LRMDA: variants seen among roughly 807,000 people sequenced by gnomAD.
LRMDA encodes the protein leucine-rich melanocyte differentiation-associated protein.
LRMDA carries 18 observed loss-of-function variants against 29.8 expected under a neutral mutation model. The ratio of observed to expected loss-of-function variants is 0.60; its 90% confidence interval spans 0.42 to 0.90. The LOEUF is 0.90. LRMDA is among the 40% of genes least tolerant of loss of function. LRMDA has a pLI of 0.00. For missense variants in LRMDA, 273 were observed against 273.9 expected (o/e 1.00, Z 0.02); for synonymous variants, 125 against 109.4 (o/e 1.14, Z -0.89).
intron 2 of LRMDA, among the ~76,000 whole-genome samples, chr10:75,707,766 T>C (rs1035760074): frequency 9.2e-5 from 14 of 152,354 alleles, no homozygotes; most frequent in African/African-American, 3.4e-4. Context: ...TGTGTCTCTA[T>C]GGCCCTGCCC....
intron 2 of LRMDA, among the ~76,000 whole-genome samples, chr10:75,459,812 G>T (rs541212626): frequency 5.5e-4 from 84 of 152,330 alleles, no homozygotes; most frequent in Non-Finnish European, 1.1e-3. Flanking sequence ...TCGCATGGTG[G>T]AAGTGCAAGG....
chr10:76,495,526 T>A (rs1842873379), intron 6 of LRMDA, among the ~76,000 whole-genome samples: 1 of 151,890 alleles, frequency 6.6e-6, no homozygotes, highest in African/African-American at 2.4e-5. Context: ...AGAATCTTAT[T>A]GACAATTTGA....
At chr10:75,438,850 G>T (rs1368151818) in intron 2 of LRMDA, among the ~76,000 whole-genome samples, 2 of 152,250 alleles carry the variant, frequency 1.3e-5, no homozygotes, top group African/African-American at 2.4e-5. Context: ...AAGCCTGCAA[G>T]AGTGTTTTGG....
chr10:76,256,986 GAGTT>G (rs1852606992), intron 5 of LRMDA, among the ~76,000 whole-genome samples: 1 of 152,114 alleles, frequency 6.6e-6, no homozygotes, highest in Non-Finnish European at 1.5e-5. Flanking sequence ...AACAGGTCTT[GAGTT>G]AGTTCTGTCA....
At chr10:76,465,536 T>A (rs1842556096) in intron 6 of LRMDA, among the ~76,000 whole-genome samples, 1 of 152,160 alleles carries the variant, frequency 6.6e-6, no homozygotes. Flanking sequence ...AAAAGGAAAG[T>A]GAAGGATGTG....
chr10:76,473,890 G>A (rs1380051013), intron 6 of LRMDA, among the ~76,000 whole-genome samples: 2 of 151,538 alleles, frequency 1.3e-5, no homozygotes, highest in Non-Finnish European at 3.0e-5. Flanking sequence ...TGGATGTAAA[G>A]ACAACAGTAC....
intron 2 of LRMDA, among the ~76,000 whole-genome samples, chr10:75,599,148 C>T (rs939276485): frequency 1.1e-4 from 16 of 146,132 alleles, no homozygotes; most frequent in African/African-American, 2.2e-4. Flanking sequence ...CTGGCGTTCA[C>T]GGCCTCTGAG....
intron 2 of LRMDA, among the ~76,000 whole-genome samples, chr10:75,598,459 T>C (rs1840831078): frequency 6.6e-6 from 1 of 152,114 alleles, no homozygotes; most frequent in South Asian, 2.1e-4. Flanking sequence ...CTGAGAGGGC[T>C]TTCCTGGACA....
intron 2 of LRMDA, among the ~76,000 whole-genome samples, chr10:75,979,249 A>C (rs1361346421): frequency 2.6e-5 from 4 of 152,336 alleles, no homozygotes; most frequent in South Asian, 2.1e-4. Context: ...TGACATTTGA[A>C]TAGAGCAGAA....
At chr10:75,923,088 C>T (rs1846053487) in intron 2 of LRMDA, among the ~76,000 whole-genome samples, 1 of 152,220 alleles carries the variant, frequency 6.6e-6, no homozygotes, top group African/African-American at 2.4e-5. Flanking sequence ...ACCTGAAACA[C>T]ACTCTGCCCT....
At chr10:75,858,450 A>C (rs1342410412) in intron 2 of LRMDA, among the ~76,000 whole-genome samples, 3 of 152,176 alleles carry the variant, frequency 2.0e-5, no homozygotes, top group Non-Finnish European at 4.4e-5. Flanking sequence ...CACCCAAACT[A>C]GGTGGGACTC....
chr10:75,496,808 C>G (rs1845049480), intron 2 of LRMDA, among the ~76,000 whole-genome samples: 1 of 152,080 alleles, frequency 6.6e-6, no homozygotes, highest in Non-Finnish European at 1.5e-5. Flanking sequence ...GGACCCACTT[C>G]TCAGAAAAAT....
At chr10:75,777,322 T>C (rs1376656739) in intron 2 of LRMDA, among the ~76,000 whole-genome samples, 2 of 152,224 alleles carry the variant, frequency 1.3e-5, no homozygotes, top group Non-Finnish European at 2.9e-5. Context: ...TGTGTGTCTC[T>C]GGGCCATCAC....
In LRMDA at chr10:76,436,654, G is replaced by A. The variant is rs74991088; in HGVS notation, c.601+112169G>A. Among the ~76,000 whole-genome samples the A allele has an allele frequency of 1.9e-3, 283 of 152,330 alleles. 1 individual carries two copies. The highest frequency in any genetic ancestry group is 3.6e-3 in the Admixed American group (55 of 15,300). Reference sequence around the variant, plus strand: ...TCAGGGAAGGGAAATCCACCCCTGTGCTCTTCACACCCAGACAGATGCTCA... The same window carrying A: ...TCAGGGAAGGGAAATCCACCCCTGTACTCTTCACACCCAGACAGATGCTCA... On this transcript the variant is annotated intron_variant, in intron 6 of 6. Coordinates refer to ENST00000611255, the MANE Select transcript of LRMDA (RefSeq NM_001305581.2).
chr10:75,703,188 T>C (rs1842328793), intron 2 of LRMDA, among the ~76,000 whole-genome samples: 1 of 152,256 alleles, frequency 6.6e-6, no homozygotes, highest in African/African-American at 2.4e-5. Flanking sequence ...CTGCAGTTTT[T>C]TTTTCTTTAT....
At chr10:76,053,947 T>G (rs1848569825) in intron 4 of LRMDA, among the ~76,000 whole-genome samples, 1 of 152,200 alleles carries the variant, frequency 6.6e-6, no homozygotes, top group Admixed American at 6.5e-5. Context: ...ACTCTGGGGA[T>G]GGGGCCCTGC....
At chr10:75,859,600 TACAC>T (rs71024575) in intron 2 of LRMDA, among the ~76,000 whole-genome samples, 1,988 of 77,512 alleles carry the variant, frequency 0.026, 26 homozygotes, top group Middle Eastern at 0.081. Context: ...ATTCAGGGCA[TACAC>T]ACACACACAC....
chr10:76,168,591 G>A (rs557572139), intron 5 of LRMDA, among the ~76,000 whole-genome samples: 1 of 152,058 alleles, frequency 6.6e-6, no homozygotes, highest in Non-Finnish European at 1.5e-5. Flanking sequence ...TAAAGTTTAG[G>A]TAGTTCAAGG....
chr10:75,603,419 T>C (rs1009694860), intron 2 of LRMDA, among the ~76,000 whole-genome samples: 2 of 152,202 alleles, frequency 1.3e-5, no homozygotes, highest in Non-Finnish European at 2.9e-5. Context: ...AGTAGAAGTC[T>C]GAGTGTTTTT....
Sources: gnomAD v4.1 joint callset for allele counts (sites outside exome capture counted in the v4.1 genomes callset) on GRCh38, gnomAD v4.1.1 for gene constraint, MANE v1.5 for transcripts, NCBI Gene and HGNC (gene_info 2026-07-23, HGNC 2026-07-21) for gene names.